SLC8A1: variants seen among roughly 807,000 people sequenced by gnomAD.
SLC8A1 encodes sodium/calcium exchanger 1.
Under a neutral mutation model 68.3 loss-of-function variants are expected in SLC8A1, and 18 were observed. The observed-to-expected ratio is 0.26, with a 90% CI of 0.18 to 0.39. The LOEUF is 0.39. Among genes scored for constraint, SLC8A1 ranks in the 10% least tolerant of loss-of-function variants. The pLI is 1.00. For synonymous variants in SLC8A1, 475 were observed against 415.5 expected (o/e 1.14, Z -1.74); for missense variants, 985 against 1,156.7 (o/e 0.85, Z 2.15).
intron 2 of SLC8A1, among the ~76,000 whole-genome samples, chr2:40,363,908 T>G (rs531545232): frequency 6.6e-6 from 1 of 152,200 alleles, no homozygotes; most frequent in Non-Finnish European, 1.5e-5. Flanking sequence ...GTTTATTTAT[T>G]TATTTATTTA....
At chr2:40,270,260 A>G (rs2149132094) in intron 2 of SLC8A1, among the ~76,000 whole-genome samples, 1 of 152,366 alleles carries the variant, frequency 6.6e-6, no homozygotes, top group Non-Finnish European at 1.5e-5. Context: ...TGGTGCCAGA[A>G]GCACTACCAA....
At chr2:40,161,606 G>A (rs1422224304) in intron 5 of SLC8A1, among the ~76,000 whole-genome samples, 2 of 152,126 alleles carry the variant, frequency 1.3e-5, no homozygotes, top group Admixed American at 1.3e-4. Context: ...TGTACAATCA[G>A]TACTCTCTAG....
At chr2:40,344,161 T>C (rs1668528908) in intron 2 of SLC8A1, among the ~76,000 whole-genome samples, 1 of 152,130 alleles carries the variant, frequency 6.6e-6, no homozygotes, top group African/African-American at 2.4e-5. Flanking sequence ...GCTGAGGGCA[T>C]GGCATGAAAA....
chr2:40,308,822 A>G (rs1424188157), intron 2 of SLC8A1, among the ~76,000 whole-genome samples: 1 of 152,158 alleles, frequency 6.6e-6, no homozygotes, highest in Non-Finnish European at 1.5e-5. Flanking sequence ...TTGTCATCCC[A>G]TCTCTTTGTA....
chr2:40,429,056 T>C (rs781380120), exon 2 of SLC8A1: 5 of 1,611,872 alleles, frequency 3.1e-6, no homozygotes, highest in Non-Finnish European at 4.2e-6. Context: ...TCAAAGAAGA[T>C]CTTACTAACA....
chr2:40,145,700 A>T (rs780803557), intron 6 of SLC8A1, among the ~76,000 whole-genome samples: 1 of 152,202 alleles, frequency 6.6e-6, no homozygotes. Flanking sequence ...TGGTGATTCA[A>T]TTGATACATT....
intron 2 of SLC8A1, among the ~76,000 whole-genome samples, chr2:40,423,778 C>T (rs1445551301): frequency 6.6e-6 from 1 of 151,968 alleles, no homozygotes; most frequent in Non-Finnish European, 1.5e-5. Context: ...TAAATTCAGA[C>T]TCATAAATGT....
At chr2:40,284,647 T>TAAATAC (rs2068025392) in intron 2 of SLC8A1, among the ~76,000 whole-genome samples, 1 of 122,914 alleles carries the variant, frequency 8.1e-6, no homozygotes, top group South Asian at 2.4e-4. Flanking sequence ...AAAACATATA[T>TAAATAC]AAATATAAAT....
intron 3 of SLC8A1, 86 bp downstream of exon 4, chr2:40,175,173 TAA>T (rs1218604195): frequency 1.5e-6 from 2 of 1,327,414 alleles, no homozygotes; most frequent in Admixed American, 1.8e-5. Flanking sequence ...TCAAGAGAAA[TAA>T]AAGTCACAGA....
chr2:40,277,765 A>T (rs575590368), intron 2 of SLC8A1, among the ~76,000 whole-genome samples: 26 of 138,318 alleles, frequency 1.9e-4, no homozygotes, highest in Middle Eastern at 3.8e-3. Flanking sequence ...CGTACATATA[A>T]ACATATGTAT....
intron 2 of SLC8A1, among the ~76,000 whole-genome samples, chr2:40,342,015 T>C (rs933061529): frequency 6.6e-5 from 10 of 152,158 alleles, no homozygotes; most frequent in African/African-American, 1.9e-4. Flanking sequence ...ATGGGAGCTA[T>C]AGACCTAATC....
At chr2:40,247,051 T>C (rs995327602) in intron 2 of SLC8A1, among the ~76,000 whole-genome samples, 1 of 152,218 alleles carries the variant, frequency 6.6e-6, no homozygotes, top group African/African-American at 2.4e-5. Context: ...TGTGAAATCA[T>C]GCTGGGGTGG....
upstream of SLC8A1, chr2:40,453,351 T>C (rs1702780798): frequency 6.6e-6 from 1 of 152,266 alleles, no homozygotes; most frequent in Non-Finnish European, 1.5e-5. Context: ...AGGAGGGACC[T>C]GCAGAGCACA....
intron 1 of SLC8A1, among the ~76,000 whole-genome samples, chr2:40,508,462 CTGTT>C (rs762222592): frequency 6.6e-6 from 1 of 151,630 alleles, no homozygotes; most frequent in East Asian, 1.9e-4. Context: ...TTCAATATGT[CTGTT>C]TGATGATTTT....
intron 2 of SLC8A1, among the ~76,000 whole-genome samples, chr2:40,399,760 A>G (rs1453736689): frequency 2.0e-5 from 3 of 152,200 alleles, no homozygotes; most frequent in Admixed American, 1.3e-4. Context: ...TGAAACTGAC[A>G]TAATGAAAAC....
At chr2:40,369,568 T>C (rs894946759) in intron 2 of SLC8A1, among the ~76,000 whole-genome samples, 3 of 152,248 alleles carry the variant, frequency 2.0e-5, no homozygotes, top group Admixed American at 2.0e-4. Flanking sequence ...AGTCAAATCT[T>C]AGTTGTTTAA....
intron 2 of SLC8A1, among the ~76,000 whole-genome samples, chr2:40,416,517 T>C (rs1693939274): frequency 6.6e-6 from 1 of 152,204 alleles, no homozygotes; most frequent in Non-Finnish European, 1.5e-5. Context: ...CAGTGTTATG[T>C]CATTTTTTAA....
intron 2 of SLC8A1, among the ~76,000 whole-genome samples, chr2:40,417,725 T>C (rs1694295899): frequency 6.6e-6 from 1 of 152,136 alleles, no homozygotes; most frequent in Admixed American, 6.6e-5. Context: ...CTTTAGTCTT[T>C]ATGTTACCAG....
At chr2:40,167,257 T>C (rs1189440989) in intron 4 of SLC8A1, among the ~76,000 whole-genome samples, 3 of 152,232 alleles carry the variant, frequency 2.0e-5, no homozygotes, top group Admixed American at 6.5e-5. Flanking sequence ...ATCTCGACTT[T>C]TGTACCTTTT....
Sources: allele counts gnomAD v4.1 joint callset (sites outside exome capture counted in the v4.1 genomes callset), GRCh38; gene constraint gnomAD v4.1.1; transcripts MANE v1.5; gene names NCBI Gene and HGNC (gene_info 2026-07-23, HGNC 2026-07-21).